LEKR1: variants seen among roughly 807,000 people sequenced by gnomAD.
LEKR1 encodes the protein protein LEKR1.
LEKR1 carries 59 observed loss-of-function variants against 72.4 expected under a neutral mutation model. The ratio of observed to expected loss-of-function variants is 0.82; its 90% confidence interval spans 0.66 to 1.01. The LOEUF (loss-of-function observed/expected upper bound fraction) is 1.01. Among genes scored for constraint, LEKR1 ranks in the 50% least tolerant of loss-of-function variants. The pLI is 0.00. For missense variants in LEKR1, 728 were observed against 759.2 expected, an observed-to-expected ratio of 0.96 and a Z score of 0.48; for synonymous variants, 257 against 263.2, an observed-to-expected ratio of 0.98 and a Z score of 0.23.
At chr3:156,945,359 A>G (rs1376954151) in intron 6 of LEKR1, among the ~76,000 whole-genome samples, 2 of 151,786 alleles carry the variant, frequency 1.3e-5, no homozygotes, top group African/African-American at 4.8e-5. Flanking sequence ...ATTTTCTCCC[A>G]TTCTGTGGGT....
At chr3:157,026,043 CCTT>C (rs1560155501) in intron 11 of LEKR1, among the ~76,000 whole-genome samples, 1 of 151,260 alleles carries the variant, frequency 6.6e-6, no homozygotes, top group East Asian at 1.9e-4. Context: ...AAGTGAGACT[CCTT>C]CTCTAAAAGA....
chr3:157,005,720 T>C (rs185642169), intron 9 of LEKR1, among the ~76,000 whole-genome samples: 49 of 152,276 alleles, frequency 3.2e-4, no homozygotes, highest in Admixed American at 3.3e-4. Flanking sequence ...TAACGTGTTC[T>C]TCAAAAGACA....
chr3:156,891,996 A>G lies in LEKR1; in HGVS notation c.264-28579A>G, dbSNP rs372209179. Among the ~76,000 whole-genome samples, 18 of 152,218 alleles carry G rather than the reference A, an allele frequency of 1.2e-4. No individual in the cohort carries two copies. The East Asian group carries it at 1.9e-3, about 16-fold the overall frequency. On this transcript the variant is annotated intron_variant, in intron 3 of 12. Coordinates refer to ENST00000356539, the MANE Select transcript of LEKR1 (RefSeq NM_001004316.3). ...TACCAATAAAAGACAAGATTACAAG[A>G]AACCAAGTTATAAGCCTACTATTAA...
chr3:156,899,844 G>T (rs1287107870), intron 3 of LEKR1, among the ~76,000 whole-genome samples: 1 of 150,688 alleles, frequency 6.6e-6, no homozygotes, highest in African/African-American at 2.4e-5. Context: ...GTACATATGT[G>T]TATATATGTA....
intron 10 of LEKR1, among the ~76,000 whole-genome samples, chr3:157,024,450 C>T (rs1734053809): frequency 6.6e-6 from 1 of 152,140 alleles, no homozygotes; most frequent in Non-Finnish European, 1.5e-5. Flanking sequence ...TTCTGAGTTG[C>T]TGGCAAGGAC....
chr3:157,020,803 A>T (rs1237546595), intron 10 of LEKR1, among the ~76,000 whole-genome samples: 1 of 151,970 alleles, frequency 6.6e-6, no homozygotes, highest in Non-Finnish European at 1.5e-5. Context: ...CAGTAATGGG[A>T]TTGCTGGGTC....
intron 8 of LEKR1, 129 bp from the exon 9 acceptor site, chr3:156,992,945 T>TA: frequency 1.8e-6 from 1 of 549,568 alleles, no homozygotes; most frequent in African/African-American, 1.9e-5. Flanking sequence ...ATTCTTTTTT[T>TA]AAAATTTTTA....
chr3:156,982,477 A>C (rs1730286273), intron 7 of LEKR1, among the ~76,000 whole-genome samples: 1 of 152,210 alleles, frequency 6.6e-6, no homozygotes. Context: ...AACCCTTTAC[A>C]TATCCTCTCC....
rs114342544 is a variant in LEKR1, at chr3:157,009,157, G to A, written c.1110-2256G>A. 4.4e-3 allele frequency among the ~76,000 whole-genome samples: 666 copies of A among 152,034 alleles called. 2 individuals are homozygous for A. The highest frequency in any genetic ancestry group is 0.015 in the African/African-American group (641 of 41,504). ...TAGAAGTATTATGTTATACTTCTAC[G>A]TATGTAATTTTAAAATGCTTAGTTG... On this transcript the variant is annotated intron_variant, in intron 9 of 12. Coordinates refer to ENST00000356539, the MANE Select transcript of LEKR1 (RefSeq NM_001004316.3).
intron 5 of LEKR1, among the ~76,000 whole-genome samples, chr3:156,928,363 G>T (rs371662411): frequency 3.3e-5 from 5 of 151,978 alleles, no homozygotes; most frequent in Admixed American, 6.6e-5. Flanking sequence ...TGTCCCTAGT[G>T]GGGGAGCTTT....
At chr3:156,952,676 C>T (rs1157717645) in intron 6 of LEKR1, among the ~76,000 whole-genome samples, 3 of 151,370 alleles carry the variant, frequency 2.0e-5, no homozygotes, top group Non-Finnish European at 3.0e-5. Flanking sequence ...TACAAATGAA[C>T]CCCCTTCCTT....
chr3:156,899,206 G>A (rs953224715), intron 3 of LEKR1, among the ~76,000 whole-genome samples: 1 of 148,756 alleles, frequency 6.7e-6, no homozygotes, highest in African/African-American at 2.5e-5. Flanking sequence ...TTCACCTGTG[G>A]TTTTCACCAT....
Position 156,943,527 on chromosome 3 carries a change from G to A in LEKR1, c.745+813G>A, listed in dbSNP as rs376185905. ...CACAAAGTATCATGACTGGTACTAC[G>A]TTCCTAGTAAATGGCAGAGAGTAAA... On this transcript the variant is annotated intron_variant, in intron 6 of 12. Coordinates refer to ENST00000356539, the MANE Select transcript of LEKR1 (RefSeq NM_001004316.3). 4.6e-5 allele frequency among the ~76,000 whole-genome samples: 7 copies of A among 151,980 alleles called. No individual in the cohort carries two copies. In the South Asian group the frequency reaches 1.0e-3, roughly 23 times the overall value.
chr3:156,933,770 A>G (rs982772861), intron 5 of LEKR1, among the ~76,000 whole-genome samples: 20 of 152,218 alleles, frequency 1.3e-4, no homozygotes, highest in Admixed American at 2.6e-4. Context: ...ATTAAACCAC[A>G]TAGCTGGGAA....
intron 2 of LEKR1, among the ~76,000 whole-genome samples, chr3:156,840,677 G>A (rs1450527193): frequency 1.3e-5 from 2 of 152,204 alleles, no homozygotes; most frequent in African/African-American, 4.8e-5. Context: ...GATGCTTACT[G>A]TTGCTGCCTG....
intron 12 of LEKR1, among the ~76,000 whole-genome samples, chr3:157,044,856 A>G (rs1002916353): frequency 1.3e-5 from 2 of 152,116 alleles, no homozygotes; most frequent in Admixed American, 6.5e-5. Flanking sequence ...TATTCTTTCA[A>G]TCTTATACTT....
chr3:156,910,896 C>A (rs1037420957), intron 3 of LEKR1, among the ~76,000 whole-genome samples: 29 of 152,146 alleles, frequency 1.9e-4, no homozygotes, highest in Non-Finnish European at 1.2e-4. Flanking sequence ...GTTTTAAGTT[C>A]TTTGAGAAAT....
chr3:156,853,051 G>A lies in LEKR1; in HGVS notation c.263+69G>A, dbSNP rs980509361. On this transcript the variant is annotated intron_variant, in intron 3 of 12. Transcript: ENST00000356539. ...CAGCTACAGGAAATAAATACACTTT[G>A]AATGTTTTTCTAAAATTTCTCTACA... The A allele has an allele frequency of 1.0e-5, 11 of 1,062,286 alleles. No homozygotes were observed. In the African/African-American group the frequency reaches 1.1e-4, roughly 11 times the overall value. 65.8% of individuals were successfully genotyped at this position (1,062,286 alleles called of 1,614,324 possible).
chr3:156,959,948 C>G (rs1727967555), intron 6 of LEKR1, among the ~76,000 whole-genome samples: 1 of 152,086 alleles, frequency 6.6e-6, no homozygotes, highest in African/African-American at 2.4e-5. Flanking sequence ...TTCATCCCCC[C>G]CACCCATGTT....
Sources: allele counts gnomAD v4.1 joint callset (sites outside exome capture counted in the v4.1 genomes callset), GRCh38; gene constraint gnomAD v4.1.1; transcripts MANE v1.5; gene names NCBI Gene and HGNC (gene_info 2026-07-23, HGNC 2026-07-21).